TMEM132B: variants seen among roughly 807,000 people sequenced by gnomAD.
The protein encoded by TMEM132B is transmembrane protein 132B.
TMEM132B carries 18 observed loss-of-function variants against 90.8 expected under a neutral mutation model. The ratio of observed to expected loss-of-function variants is 0.20; its 90% confidence interval spans 0.14 to 0.29. TMEM132B has a LOEUF of 0.29. Among genes scored for constraint, TMEM132B ranks in the 10% least tolerant of loss-of-function variants. TMEM132B has a pLI of 1.00. For missense variants in TMEM132B, 1,096 were observed against 1,326.8 expected, an observed-to-expected ratio of 0.83 and a Z score of 2.70; for synonymous variants, 504 against 523.3, an observed-to-expected ratio of 0.96 and a Z score of 0.50.
intron 2 of TMEM132B, among the ~76,000 whole-genome samples, chr12:125,374,837 C>G (rs539636243): frequency 2.6e-5 from 4 of 152,034 alleles, no homozygotes; most frequent in Admixed American, 2.6e-4. Context: ...TTCCAATGCT[C>G]CATACAGAAA....
At chr12:125,443,889 G>A (rs560794302) in intron 3 of TMEM132B, among the ~76,000 whole-genome samples, 3 of 151,914 alleles carry the variant, frequency 2.0e-5, no homozygotes, top group African/African-American at 4.8e-5. Flanking sequence ...GTCGTGCACC[G>A]TGAAATTGAG....
At chr12:125,598,819 C>G (rs1043773810) in intron 5 of TMEM132B, among the ~76,000 whole-genome samples, 13 of 152,044 alleles carry the variant, frequency 8.6e-5, no homozygotes, top group Admixed American at 7.2e-4. Context: ...GTTGAACTAC[C>G]TCAAATTCCC....
intron 5 of TMEM132B, among the ~76,000 whole-genome samples, chr12:125,625,130 C>CTTTTTTTTTTTTTTTTT (rs1169262449): frequency 9.6e-6 from 1 of 103,912 alleles, no homozygotes; most frequent in African/African-American, 3.9e-5. Flanking sequence ...GATTTGACTT[C>CTTTTTTTTTTTTTTTTT]TTTTTTTTTT....
chr12:125,400,564 G>A (rs573486987), intron 2 of TMEM132B, among the ~76,000 whole-genome samples: 20 of 152,284 alleles, frequency 1.3e-4, no homozygotes, highest in African/African-American at 4.3e-4. Flanking sequence ...GGTCATCTTG[G>A]CAGGCCAGGC....
intron 1 of TMEM132B, among the ~76,000 whole-genome samples, chr12:125,316,984 C>T (rs1374587312): frequency 6.6e-6 from 1 of 152,182 alleles, no homozygotes; most frequent in Non-Finnish European, 1.5e-5. Context: ...CTGCCCACCA[C>T]AACCCACCTA....
intron 2 of TMEM132B, among the ~76,000 whole-genome samples, chr12:125,397,812 C>A (rs1233628546): frequency 1.3e-5 from 2 of 152,142 alleles, no homozygotes; most frequent in African/African-American, 4.8e-5. Context: ...ATGCTTGGAG[C>A]TATGAAAAGA....
chr12:125,348,993 C>T (rs1271148509), intron 1 of TMEM132B, among the ~76,000 whole-genome samples: 4 of 152,134 alleles, frequency 2.6e-5, no homozygotes, highest in Admixed American at 6.5e-5. Flanking sequence ...ATCATGTCCA[C>T]GTAGATTGTA....
At chr12:125,337,722 A>T (rs926194449) in intron 1 of TMEM132B, among the ~76,000 whole-genome samples, 1 of 152,146 alleles carries the variant, frequency 6.6e-6, no homozygotes, top group Non-Finnish European at 1.5e-5. Flanking sequence ...AATTTCCGGT[A>T]TTCTGTTCTA....
intron 2 of TMEM132B, among the ~76,000 whole-genome samples, chr12:125,350,645 A>G (rs2136234215): frequency 6.6e-6 from 1 of 152,334 alleles, no homozygotes; most frequent in South Asian, 2.1e-4. Flanking sequence ...GAGTGCAAGG[A>G]GGCCAGCTGC....
intron 2 of TMEM132B, among the ~76,000 whole-genome samples, chr12:125,402,349 C>A (rs1879344782): frequency 6.6e-6 from 1 of 152,146 alleles, no homozygotes; most frequent in African/African-American, 2.4e-5. Flanking sequence ...ACCACCACGC[C>A]TGGCTAATTT....
At chr12:125,646,617 A>G (rs556826660) in intron 6 of TMEM132B, among the ~76,000 whole-genome samples, 1 of 152,328 alleles carries the variant, frequency 6.6e-6, no homozygotes, top group South Asian at 2.1e-4. Flanking sequence ...CCACAGTGCC[A>G]GGGGAACAAA....
At chr12:125,620,267 T>G (rs1593026521) in intron 5 of TMEM132B, among the ~76,000 whole-genome samples, 1 of 152,348 alleles carries the variant, frequency 6.6e-6, no homozygotes, top group Admixed American at 6.5e-5. Flanking sequence ...TTAATGTACT[T>G]TAGACAATAA....
At chr12:125,496,085 T>C (rs1275954959) in intron 3 of TMEM132B, among the ~76,000 whole-genome samples, 1 of 152,210 alleles carries the variant, frequency 6.6e-6, no homozygotes, top group Non-Finnish European at 1.5e-5. Flanking sequence ...TCCTGTGGGC[T>C]CTTCACTTGG....
intron 1 of TMEM132B, among the ~76,000 whole-genome samples, chr12:125,248,365 T>C (rs377647968): frequency 1.6e-4 from 25 of 152,324 alleles, no homozygotes; most frequent in African/African-American, 6.0e-4. Flanking sequence ...CACAACAGGC[T>C]TTTCTCAGAG....
chr12:125,250,448 G>A (rs923564034), intron 1 of TMEM132B, among the ~76,000 whole-genome samples: 1 of 152,086 alleles, frequency 6.6e-6, no homozygotes, highest in East Asian at 1.9e-4. Context: ...TGGGACCCTC[G>A]TCCTGGCCCT....
At chr12:125,326,502 A>C in intron 1 of TMEM132B, 8 of 1,142,262 alleles carry the variant, frequency 7.0e-6, no homozygotes, top group Non-Finnish European at 1.0e-5. Context: ...TGTCCTGGCA[A>C]CCTGTATAGT....
At chr12:125,402,494 G>A (rs151049551) in intron 2 of TMEM132B, among the ~76,000 whole-genome samples, 1 of 152,324 alleles carries the variant, frequency 6.6e-6, no homozygotes, top group Non-Finnish European at 1.5e-5. Flanking sequence ...ATATCTTGAA[G>A]GGTGATTGTA....
At chr12:125,318,681 T>A (rs1876348371) in intron 1 of TMEM132B, among the ~76,000 whole-genome samples, 1 of 152,238 alleles carries the variant, frequency 6.6e-6, no homozygotes, top group South Asian at 2.1e-4. Context: ...TCCATATCCC[T>A]GCAAAGGACA....
chr12:125,350,501 C>T (rs770199455), intron 2 of TMEM132B, among the ~76,000 whole-genome samples, 158 bp downstream of exon 2: 17 of 152,180 alleles, frequency 1.1e-4, no homozygotes, highest in East Asian at 3.9e-4. Context: ...TCAGTAACTA[C>T]GGACAGTAGG....
Sources: gnomAD v4.1 joint callset for allele counts (sites outside exome capture counted in the v4.1 genomes callset) on GRCh38, gnomAD v4.1.1 for gene constraint, MANE v1.5 for transcripts, NCBI Gene and HGNC (gene_info 2026-07-23, HGNC 2026-07-21) for gene names.